SLC36A1: variants seen among roughly 807,000 people sequenced by gnomAD.
SLC36A1 encodes proton-coupled amino acid transporter 1.
SLC36A1 carries 30 observed loss-of-function variants against 47.5 expected under a neutral mutation model. The ratio of observed to expected loss-of-function variants is 0.63; its 90% CI spans 0.47 to 0.86. SLC36A1 has a LOEUF of 0.86. Among genes scored for constraint, SLC36A1 ranks in the 40% least tolerant of loss-of-function variants. SLC36A1 has a pLI of 0.00. For synonymous variants in SLC36A1, 255 were observed against 249.7 expected (o/e 1.02, Z -0.20); for missense variants, 517 against 606.0 (o/e 0.85, Z 1.54).
At chr5:151,551,688 T>C in the SLC36A1 span, 25 of 1,478,944 alleles carry the variant, frequency 1.7e-5, no homozygotes, top group Non-Finnish European at 2.2e-5. Flanking sequence ...GTTGTCAGGC[T>C]CAGAGGACAC....
At chr5:151,510,771 G>A in the SLC36A1 span, 2 of 152,330 alleles carry the variant, frequency 1.3e-5, no homozygotes, top group Non-Finnish European at 2.9e-5. Flanking sequence ...TCTGAAGGAT[G>A]AGTAGAAATT....
the SLC36A1 span, chr5:151,527,885 T>G: frequency 7.2e-7 from 1 of 1,389,844 alleles, no homozygotes; most frequent in Non-Finnish European, 9.9e-7. Context: ...TCTGGGAAGG[T>G]CTGAGGAAGT....
chr5:151,549,582 C>T, the SLC36A1 span: 5 of 1,225,538 alleles, frequency 4.1e-6, no homozygotes, highest in Admixed American at 3.8e-5. Context: ...GGTTAATGAA[C>T]TAGAATGCCA....
At chr5:151,457,854 G>GTTTTT (rs35595732) in intron 1 of SLC36A1, among the ~76,000 whole-genome samples, 3 of 143,614 alleles carry the variant, frequency 2.1e-5, no homozygotes, top group Non-Finnish European at 3.0e-5. Context: ...TTGTTTGTTT[G>GTTTTT]TTTTTTTTTT....
intron 7 of SLC36A1, among the ~76,000 whole-genome samples, chr5:151,468,275 A>ATATATATATATATATATATTT (rs1561759835): frequency 1.0e-5 from 1 of 95,674 alleles, no homozygotes; most frequent in African/African-American, 4.8e-5. Flanking sequence ...AAATATATAT[A>ATATATATATATATATATATTT]TATATATATA....
intron 8 of SLC36A1, among the ~76,000 whole-genome samples, chr5:151,474,397 AAGTCCTGGC>A (rs1480427019): frequency 7.9e-5 from 12 of 152,084 alleles, no homozygotes; most frequent in Non-Finnish European, 1.5e-4. Context: ...ACATGGGGGT[AAGTCCTGGC>A]TCTGCCATAG....
chr5:151,467,298 A>G lies in SLC36A1; in HGVS notation c.504+15A>G, dbSNP rs763600848. 7.1e-7 allele frequency: 1 copy of G among 1,413,472 alleles called. No homozygotes were observed. Among genetic ancestry groups the G allele is most frequent in the Non-Finnish European group, 9.6e-7 (1 of 1,045,074 alleles). The allele number at this position is 1,413,472 out of a possible 1,614,324, so 87.6% of individuals were successfully genotyped here. On this transcript the variant is annotated intron_variant, in intron 6 of 10. Transcript: ENST00000243389. ...ACTTTAAACAGGTAGGCACCTGGTT[A>G]AAAAAGAAAAAAAAAAAAAAAACCA...
the SLC36A1 span, among the ~76,000 whole-genome samples, chr5:151,368,872 AAGG>A: frequency 6.6e-6 from 1 of 152,216 alleles, no homozygotes; most frequent in Non-Finnish European, 1.5e-5. Flanking sequence ...AGCTGCAACA[AAGG>A]ACTTCCCTGG....
chr5:151,393,081 T>G, the SLC36A1 span, among the ~76,000 whole-genome samples: 1 of 151,664 alleles, frequency 6.6e-6, no homozygotes, highest in Non-Finnish European at 1.5e-5. Context: ...TGAATCTGGG[T>G]GCTCCTGTAT....
the SLC36A1 span, among the ~76,000 whole-genome samples, chr5:151,371,996 A>T: frequency 6.6e-6 from 1 of 151,924 alleles, no homozygotes; most frequent in African/African-American, 2.4e-5. Context: ...TATTCTACCC[A>T]AAGGAAGACA....
At chr5:151,385,037 T>TGAGA in the SLC36A1 span, among the ~76,000 whole-genome samples, 4 of 142,114 alleles carry the variant, frequency 2.8e-5, no homozygotes, top group Non-Finnish European at 6.1e-5. Context: ...TGTGTGTGTG[T>TGAGA]GAGAGAGAGA....
chr5:151,444,603 A>G (rs1752817102), upstream of SLC36A1, among the ~76,000 whole-genome samples: 2 of 152,130 alleles, frequency 1.3e-5, no homozygotes, highest in African/African-American at 4.8e-5. Context: ...CTCCTGCCTC[A>G]GCCTCTCAAG....
rs536772136 is a variant in SLC36A1, at chr5:151,473,628, T to C, written c.724-45T>C. 4.1e-6 allele frequency: 5 copies of C among 1,214,972 alleles called. No individual in the cohort carries two copies. The South Asian group carries it at 5.0e-5, about 12-fold the overall frequency. 75.3% of individuals were successfully genotyped at this position (1,214,972 alleles called of 1,614,324 possible). A position where few individuals can be genotyped will look rare whatever the true frequency, so the allele number is the denominator to read the frequency against. On this transcript the variant is annotated intron_variant, in intron 7 of 10. Transcript: ENST00000243389. Reference sequence around the variant, plus strand: ...AGAGTTCAAATCTTGAATTTCTGTATAGCCTTTTGCTTTGTTTTGCTTTGT... The same window carrying C: ...AGAGTTCAAATCTTGAATTTCTGTACAGCCTTTTGCTTTGTTTTGCTTTGT...
At chr5:151,451,261 C>T (rs1753620705) in intron 1 of SLC36A1, among the ~76,000 whole-genome samples, 1 of 151,650 alleles carries the variant, frequency 6.6e-6, no homozygotes, top group African/African-American at 2.4e-5. Flanking sequence ...CTATTTTGTC[C>T]ACGCTGGTCT....
At chr5:151,421,174 C>CTCCCTTCCT in the SLC36A1 span, among the ~76,000 whole-genome samples, 3 of 138,804 alleles carry the variant, frequency 2.2e-5, no homozygotes, top group African/African-American at 8.2e-5. Context: ...CGCCCTTTCT[C>CTCCCTTCCT]TCCTTCCTTC....
chr5:151,551,420 C>G, the SLC36A1 span: 9 of 1,596,308 alleles, frequency 5.6e-6, no homozygotes, highest in South Asian at 7.9e-5. Flanking sequence ...ACCAAGAAGG[C>G]CTTCCATCTC....
chr5:151,356,870 C>A, the SLC36A1 span, among the ~76,000 whole-genome samples: 1 of 152,054 alleles, frequency 6.6e-6, no homozygotes, highest in African/African-American at 2.4e-5. Context: ...TGTGCAATTC[C>A]TTATTGTGGA....
intron 1 of SLC36A1, among the ~76,000 whole-genome samples, chr5:151,457,090 G>A (rs1283684297): frequency 6.6e-6 from 1 of 152,110 alleles, no homozygotes. Flanking sequence ...TTATATTAAT[G>A]TACCCTTTTT....
chr5:151,472,905 C>T (rs1191365337), intron 7 of SLC36A1, among the ~76,000 whole-genome samples: 1 of 152,190 alleles, frequency 6.6e-6, no homozygotes, highest in East Asian at 1.9e-4. Context: ...CAGTGGCCAA[C>T]GCCTGTGATC....
Sources: allele counts gnomAD v4.1 joint callset (sites outside exome capture counted in the v4.1 genomes callset), GRCh38; gene constraint gnomAD v4.1.1; transcripts MANE v1.5; gene names NCBI Gene and HGNC (gene_info 2026-07-23, HGNC 2026-07-21).